The following MAPT variants were observed in gnomAD, a reference collection of about 807,000 sequenced individuals.
MAPT encodes the protein microtubule associated protein tau.
Under a neutral mutation model 67.9 loss-of-function variants are expected in MAPT, and 34 were observed. The observed-to-expected ratio is 0.50, with a 90% CI of 0.38 to 0.67. The LOEUF (loss-of-function observed/expected upper bound fraction) is 0.67. MAPT is among the 30% of genes least tolerant of loss of function. The probability of loss-of-function intolerance (pLI) is 0.00; values close to 1 mark genes in which losing one functional copy is unlikely to be tolerated. For missense variants in MAPT, 881 were observed against 1,115.2 expected (o/e 0.79, Z 2.99); for synonymous variants, 456 against 464.5 (o/e 0.98, Z 0.23).
chr17:45,979,091 A>G (rs1296858323), intron 4 of MAPT: 1 of 152,046 alleles, frequency 6.6e-6, no homozygotes, highest in African/African-American at 2.4e-5. Context: ...GGCCTTAACC[A>G]TGTCATCCCC....
chr17:46,011,916 GCTAA>G (rs1003102555), intron 10 of MAPT, among the ~76,000 whole-genome samples: 19 of 152,204 alleles, frequency 1.2e-4, no homozygotes, highest in Non-Finnish European at 2.4e-4. Context: ...GCTGCATGGG[GCTAA>G]CTAACGCTTC....
intron 9 of MAPT, among the ~76,000 whole-genome samples, chr17:46,002,585 A>G (rs970204023): frequency 3.9e-5 from 6 of 152,226 alleles, no homozygotes; most frequent in African/African-American, 1.4e-4. Context: ...CCAGGCCAAT[A>G]GTTGGGATGT....
At chr17:45,972,018 C>A in intron 3 of MAPT, 73 bp downstream of exon 3, 2 of 1,031,458 alleles carry the variant, frequency 1.9e-6, no homozygotes, top group Non-Finnish European at 3.0e-6. Flanking sequence ...TCCCTCCTGG[C>A]TGCATCTGCT....
chr17:45,973,964 A>G (rs544791103), intron 3 of MAPT: 238 of 191,732 alleles, frequency 1.2e-3, no homozygotes, highest in African/African-American at 5.4e-3. Flanking sequence ...AAAATGGACC[A>G]AGGACTTGCC....
chr17:45,956,942 G>A (rs2069801105), intron 1 of MAPT, among the ~76,000 whole-genome samples: 1 of 151,616 alleles, frequency 6.6e-6, no homozygotes, highest in Non-Finnish European at 1.5e-5. Context: ...ATTTTTTATG[G>A]CTGCATAGTA....
At chr17:45,910,556 C>CA (rs1037572013) in intron 1 of MAPT, among the ~76,000 whole-genome samples, 71 of 144,496 alleles carry the variant, frequency 4.9e-4, no homozygotes, top group African/African-American at 1.5e-3. Context: ...CCCCCAAAGA[C>CA]AAAAAAAAAG....
intron 3 of MAPT, chr17:45,976,578 G>C (rs1447364079): frequency 6.6e-6 from 1 of 152,400 alleles, no homozygotes; most frequent in Non-Finnish European, 1.5e-5. Flanking sequence ...CTCCCCATGG[G>C]CCATCCAGTT....
chr17:45,943,371 G>T (rs180788598), intron 1 of MAPT, among the ~76,000 whole-genome samples: 1 of 152,062 alleles, frequency 6.6e-6, no homozygotes, highest in Admixed American at 6.6e-5. Context: ...CACTTCTTAC[G>T]TGTGTTCAGC....
intron 1 of MAPT, among the ~76,000 whole-genome samples, chr17:45,929,025 G>T (rs1272199453): frequency 6.6e-6 from 1 of 151,986 alleles, no homozygotes; most frequent in Non-Finnish European, 1.5e-5. Context: ...TTAAAGCACT[G>T]CAGAGAATTC....
At chr17:45,950,863 A>G (rs2068999991) in intron 1 of MAPT, among the ~76,000 whole-genome samples, 2 of 152,030 alleles carry the variant, frequency 1.3e-5, no homozygotes, top group Admixed American at 1.3e-4. Flanking sequence ...GGGTTTCACC[A>G]TGTTGGCCAG....
At chr17:45,961,688 T>C (rs1240656655) in intron 1 of MAPT, among the ~76,000 whole-genome samples, 1 of 152,000 alleles carries the variant, frequency 6.6e-6, no homozygotes, top group African/African-American at 2.4e-5. Flanking sequence ...GGCAGCAGCA[T>C]TGATTTTTTT....
At chr17:45,947,176 T>C (rs1479712454) in intron 1 of MAPT, among the ~76,000 whole-genome samples, 1 of 152,054 alleles carries the variant, frequency 6.6e-6, no homozygotes, top group Non-Finnish European at 1.5e-5. Flanking sequence ...AGGGCCAGTC[T>C]TACTGAGCAC....
At chr17:46,021,021 C>A (rs527742854) in intron 12 of MAPT, among the ~76,000 whole-genome samples, 1 of 152,196 alleles carries the variant, frequency 6.6e-6, no homozygotes, top group African/African-American at 2.4e-5. Flanking sequence ...CCTGGCCAGT[C>A]CCCGCCCTCC....
At chr17:45,974,630 G>C in intron 3 of MAPT, 3 of 636,416 alleles carry the variant, frequency 4.7e-6, no homozygotes, top group South Asian at 3.7e-5. Context: ...TGAGTAGCTC[G>C]ATGCCTTGGT....
intron 2 of MAPT, among the ~76,000 whole-genome samples, chr17:45,966,304 G>T: frequency 6.6e-6 from 1 of 152,122 alleles, no homozygotes; most frequent in East Asian, 1.9e-4. Flanking sequence ...TTAACTCCAG[G>T]AGACCAGGTA....
intron 1 of MAPT, among the ~76,000 whole-genome samples, chr17:45,949,259 A>G (rs1179253137): frequency 6.6e-6 from 1 of 152,242 alleles, no homozygotes. Flanking sequence ...CGAGGGCCGC[A>G]GCGCAGCCTG....
chr17:45,971,987 T>C lies in MAPT; in HGVS notation c.220+42T>C. On this transcript the variant is annotated intron_variant, in intron 3 of 12. Transcript: ENST00000262410. The surrounding 1 kb of genome is among the most constrained non-coding windows in gnomAD (Gnocchi z 4.3). ...ACGCCCCCTCCATGCCTCCAGCCTG[T>C]GCTTAGCCGTGCTTTGAGCCTCCCT... 6.8e-7 allele frequency: 1 copy of C among 1,477,286 alleles called. No homozygotes were observed. Among genetic ancestry groups the C allele is most frequent in the Non-Finnish European group, 9.5e-7 (1 of 1,056,744 alleles). 91.5% of individuals were successfully genotyped at this position (1,477,286 alleles called of 1,614,324 possible). A position where few individuals can be genotyped will look rare whatever the true frequency, so the allele number is the denominator to read the frequency against.
chr17:45,976,470 G>T (rs2072365554), intron 3 of MAPT: 1 of 152,268 alleles, frequency 6.6e-6, no homozygotes. Context: ...GGAGGTTCTA[G>T]AGTTGGGTGC....
intron 11 of MAPT, 74 bp downstream of exon 11, chr17:46,014,398 C>A: frequency 9.9e-7 from 1 of 1,007,734 alleles, no homozygotes; most frequent in Non-Finnish European, 1.6e-6. Context: ...GCTGGAACTG[C>A]TCCAGACTTC....
Sources: allele counts gnomAD v4.1 joint callset (sites outside exome capture counted in the v4.1 genomes callset), GRCh38; gene constraint gnomAD v4.1.1; non-coding constraint Gnocchi (gnomAD v3.1); transcripts MANE v1.5; gene names NCBI Gene and HGNC (gene_info 2026-07-23, HGNC 2026-07-21).